FCHO1: variants seen among roughly 807,000 people sequenced by gnomAD.
FCHO1 encodes the protein FCH and mu domain containing endocytic adaptor 1.
A neutral mutation model predicts 114.4 loss-of-function variants in FCHO1; 45 were observed. The ratio of observed to expected loss-of-function variants is 0.39; its 90% CI spans 0.31 to 0.50. The LOEUF (loss-of-function observed/expected upper bound fraction) is 0.50. Among genes scored for constraint, FCHO1 ranks in the 20% least tolerant of loss-of-function variants. FCHO1 has a pLI of 0.77. For missense variants in FCHO1, 1,042 were observed against 1,209.6 expected, an observed-to-expected ratio of 0.86 and a Z score of 2.06; for synonymous variants, 480 against 488.9, an observed-to-expected ratio of 0.98 and a Z score of 0.24.
At position 17,778,604 on chromosome 19, in the gene FCHO1, C is replaced by T; in HGVS notation, c.1352-5C>T. On this transcript the variant is annotated splice_polypyrimidine_tract_variant and splice_region_variant and intron_variant, in intron 19 of 28. Transcript: ENST00000596536. ...CGGAGCTGACCGCCCGCTTCCCTCC[C>T]CAAGGCTCTAGCAGCCTGGGCTTCA... 1 of 1,544,572 alleles carries T rather than the reference C, an allele frequency of 6.5e-7. No individual in the cohort carries two copies. The highest frequency in any genetic ancestry group is 8.7e-7 in the Non-Finnish European group (1 of 1,143,756).
chr19:17,748,198 C>G (rs1043482222), upstream of FCHO1, among the ~76,000 whole-genome samples: 1 of 152,214 alleles, frequency 6.6e-6, no homozygotes, highest in Non-Finnish European at 1.5e-5. Flanking sequence ...AGATGGGGAC[C>G]ACCCGCAGAT....
chr19:17,779,118 G>C (rs1330404414), intron 20 of FCHO1, among the ~76,000 whole-genome samples: 2 of 152,182 alleles, frequency 1.3e-5, no homozygotes, highest in African/African-American at 2.4e-5. Context: ...ATTTGAGGGA[G>C]GTGAGGACAG....
chr19:17,775,478 A>C lies in FCHO1; in HGVS notation c.968A>C (p.Glu323Ala), dbSNP rs1197841515. 6.2e-7 allele frequency: 1 copy of C among 1,613,890 alleles called. No homozygotes were observed. Among genetic ancestry groups the C allele is most frequent in the South Asian group, 1.1e-5 (1 of 91,078 alleles). The change falls in exon 15 of 29, where the codon GAA becomes GCA. Residue 323 changes from glutamate to alanine, a missense_variant. By Grantham distance (107) the Glu-to-Ala change is moderately radical (BLOSUM62 -1). This residue lies in a region of FCHO1 where 450 missense variants were observed against 564.1 expected (regional missense o/e 0.80). Transcript: ENST00000596536. The surrounding 1 kb of genome is among the most constrained non-coding windows in gnomAD (Gnocchi z 5.1). ...DSGTCPEVDE[E>A]GFTVRPDVTQ... ...TAGACATGTCCAGAGGTGGATGAAGAAGGTTTCACTGTCCGGCCTGATGTG... is the reference window on the plus strand; with the variant it reads ...TAGACATGTCCAGAGGTGGATGAAGCAGGTTTCACTGTCCGGCCTGATGTG...
intron 9 of FCHO1, among the ~76,000 whole-genome samples, chr19:17,772,196 G>A (rs1407341312): frequency 6.6e-6 from 1 of 152,176 alleles, no homozygotes; most frequent in Non-Finnish European, 1.5e-5. Context: ...GTGTGTGCAT[G>A]TGTGTGCAAG....
chr19:17,786,552 A>T (rs1434518661), intron 26 of FCHO1, 22 bp from the exon 27 acceptor site: 1 of 1,566,002 alleles, frequency 6.4e-7, no homozygotes, highest in Admixed American at 1.7e-5. Flanking sequence ...GGAAGCCCTG[A>T]TTAAGATTCT....
chr19:17,782,812 C>T (rs2093547238), intron 23 of FCHO1, among the ~76,000 whole-genome samples: 1 of 152,062 alleles, frequency 6.6e-6, no homozygotes, highest in Admixed American at 6.6e-5. Flanking sequence ...GATGTTCCTG[C>T]CTCCTTCAGC....
At chr19:17,759,004 C>T (rs1428223675) in intron 4 of FCHO1, among the ~76,000 whole-genome samples, 1 of 151,946 alleles carries the variant, frequency 6.6e-6, no homozygotes, top group African/African-American at 2.4e-5. Flanking sequence ...AACATTCAAG[C>T]TTCCGGGTAC....
intron 6 of FCHO1, among the ~76,000 whole-genome samples, chr19:17,765,087 G>T (rs1185539550): frequency 6.6e-6 from 1 of 150,806 alleles, no homozygotes; most frequent in Non-Finnish European, 1.5e-5. Context: ...AAAAAAAAGT[G>T]CTGGGAAGGG....
At position 17,770,518 on chromosome 19, in the gene FCHO1, C is replaced by T. The variant is rs757233894; in HGVS notation, c.430C>T (p.Arg144Cys). The change falls in exon 8 of 29, where the codon CGT (arginine) becomes TGT (cysteine). Residue 144 changes from arginine (R) to cysteine (C), a missense_variant. Physicochemically the swap from Arg to Cys is radical, Grantham distance 180. This residue lies in a region of FCHO1 where 450 missense variants were observed against 564.1 expected (regional missense o/e 0.80). Coordinates refer to ENST00000596536, the MANE Select transcript of FCHO1 (RefSeq NM_015122.3). Reference protein sequence around the residue: ...LPKSRENYLNRCMDQERLRRE... With the variant: ...LPKSRENYLNCCMDQERLRRE... ...CAAGTCCCGCGAGAACTACCTGAAC[C>T]GTTGCATGGACCAGGAGCGGCTGCG... 8.7e-6 allele frequency: 14 copies of T among 1,613,802 alleles called. No individual in the cohort carries two copies. The highest frequency in any genetic ancestry group is 1.7e-5 in the Admixed American group (1 of 59,998).
At chr19:17,774,095 G>A in intron 11 of FCHO1, 144 bp from the exon 12 acceptor site, 1 of 702,420 alleles carries the variant, frequency 1.4e-6, no homozygotes, top group Non-Finnish European at 2.5e-6. Flanking sequence ...TTTTAGCAGA[G>A]ACAGGGTTTC....
intron 4 of FCHO1, among the ~76,000 whole-genome samples, chr19:17,760,332 T>G (rs535430269): frequency 6.6e-5 from 10 of 152,218 alleles, no homozygotes; most frequent in Admixed American, 3.3e-4. Flanking sequence ...ACTACAGGTG[T>G]GAGGCACCGC....
intron 5 of FCHO1, 84 bp downstream of exon 5, chr19:17,762,937 C>A: frequency 1.1e-6 from 1 of 946,076 alleles, no homozygotes; most frequent in South Asian, 1.3e-5. Flanking sequence ...CCTGCATGGT[C>A]AGGGGCTAGA....
In FCHO1 at chr19:17,780,257, C is replaced by G. The variant is rs547730383; in HGVS notation, c.1628-974C>G. Among the ~76,000 whole-genome samples, 386 of 151,238 alleles carry G rather than the reference C, an allele frequency of 2.6e-3. 1 individual carries two copies. Among genetic ancestry groups the G allele is most frequent in the South Asian group, 0.011 (53 of 4,786 alleles). ...TTGGCTCACTGCAACCTCTGCCTCC[C>G]AGGTTCAAACAGTTTTCTGCCTCAG... On this transcript the variant is annotated intron_variant, in intron 20 of 28. Coordinates refer to ENST00000596536, the MANE Select transcript of FCHO1 (RefSeq NM_015122.3).
rs1418505511 is a variant in FCHO1 at position 17,784,354 on chromosome 19, G to C, written c.2226+119G>C. The C allele has an allele frequency of 2.3e-6, 3 of 1,286,350 alleles. No homozygotes were observed. Among genetic ancestry groups the C allele is most frequent in the South Asian group, 1.4e-5 (1 of 70,292 alleles). The allele number at this position is 1,286,350 out of a possible 1,614,324, so 79.7% of individuals were successfully genotyped here. A position where few individuals can be genotyped will look rare whatever the true frequency, so the allele number is the denominator to read the frequency against. ...TGGTCTCGAATTCCTGACCTCAAGAGATCCAATCTGTGAGAGCCGATGAGC... is the reference window on the plus strand; with the variant it reads ...TGGTCTCGAATTCCTGACCTCAAGACATCCAATCTGTGAGAGCCGATGAGC... On this transcript the variant is annotated intron_variant, in intron 25 of 28. Coordinates refer to ENST00000596536, the MANE Select transcript of FCHO1 (RefSeq NM_015122.3). This position sits in a 1 kb window ranked among gnomAD's most constrained non-coding sequence, Gnocchi z 5.3.
At chr19:17,764,575 G>A in intron 6 of FCHO1, 126 bp downstream of exon 6, 1 of 714,694 alleles carries the variant, frequency 1.4e-6, no homozygotes, top group Non-Finnish European at 2.3e-6. Flanking sequence ...TTTGGATAGA[G>A]GGATGTATAT....
upstream of FCHO1, among the ~76,000 whole-genome samples, chr19:17,749,477 A>G (rs1359467638): frequency 6.6e-6 from 1 of 152,080 alleles, no homozygotes; most frequent in Non-Finnish European, 1.5e-5. Context: ...GGGAAGGGGG[A>G]GTCTATCAAA....
At chr19:17,770,152 T>G (rs928576095) in intron 7 of FCHO1, among the ~76,000 whole-genome samples, 2 of 151,778 alleles carry the variant, frequency 1.3e-5, no homozygotes, top group African/African-American at 4.8e-5. Context: ...ATACAAAAAA[T>G]TATCTGGGTG....
chr19:17,749,601 A>T (rs993907736), upstream of FCHO1, among the ~76,000 whole-genome samples: 3 of 152,044 alleles, frequency 2.0e-5, no homozygotes, highest in African/African-American at 7.3e-5. Context: ...GGAGGACAGA[A>T]AATTTCTGAG....
chr19:17,775,670 G>T lies in FCHO1; in HGVS notation c.1003+157G>T, dbSNP rs898003277. ...CCTAAATGTAAACACCCACTCTATG[G>T]GGTCAGCACTGGGCAAGAGGGAGAG... is the stretch of plus-strand genomic sequence containing the variant. On this transcript the variant is annotated intron_variant, in intron 15 of 28. Transcript: ENST00000596536. This position sits in a 1 kb window ranked among gnomAD's most constrained non-coding sequence, Gnocchi z 5.1. 1.3e-5 allele frequency among the ~76,000 whole-genome samples: 2 copies of T among 152,080 alleles called. No individual in the cohort carries two copies. The highest frequency in any genetic ancestry group is 4.8e-5 in the African/African-American group (2 of 41,406).
Sources: allele counts gnomAD v4.1 joint callset (sites outside exome capture counted in the v4.1 genomes callset), GRCh38; gene constraint gnomAD v4.1.1; regional missense constraint gnomAD v4.1.1; non-coding constraint Gnocchi (gnomAD v3.1); transcripts MANE v1.5; gene names NCBI Gene and HGNC (gene_info 2026-07-23, HGNC 2026-07-21).